PROS1: variants seen among roughly 807,000 people sequenced by gnomAD.
PROS1 encodes vitamin K-dependent protein S.
Under a neutral mutation model 75.9 loss-of-function variants are expected in PROS1, and 29 were observed. That is an observed-to-expected ratio of 0.38 (90% CI 0.28 to 0.52). PROS1 has a LOEUF of 0.52. Ranked by LOEUF, PROS1 falls within the 20% of genes least tolerant of loss-of-function variation. The probability of loss-of-function intolerance (pLI) is 0.83; values close to 1 mark genes in which losing one functional copy is unlikely to be tolerated. For synonymous variants in PROS1, 245 were observed against 280.6 expected, an observed-to-expected ratio of 0.87 and a Z score of 1.27; for missense variants, 680 against 810.3, an observed-to-expected ratio of 0.84 and a Z score of 1.95.
intron 10 of PROS1, among the ~76,000 whole-genome samples, chr3:93,886,947 T>C (rs1708357282): frequency 6.7e-6 from 1 of 149,972 alleles, no homozygotes; most frequent in Non-Finnish European, 1.5e-5. Flanking sequence ...AGTCTCGCTC[T>C]GTCGCCCAGG....
At chr3:93,971,304 C>T (rs1284003373) in intron 1 of PROS1, among the ~76,000 whole-genome samples, 5 of 150,130 alleles carry the variant, frequency 3.3e-5, no homozygotes, top group African/African-American at 7.4e-5. Flanking sequence ...GCTGGGATCA[C>T]GCCACTGCAC....
intron 1 of PROS1, among the ~76,000 whole-genome samples, chr3:93,970,899 C>T (rs1709869791): frequency 6.6e-6 from 1 of 152,084 alleles, no homozygotes; most frequent in Non-Finnish European, 1.5e-5. Context: ...ACTCAGAAGG[C>T]TGATGGGAGG....
At chr3:93,959,857 AT>A (rs769145730) in intron 1 of PROS1, among the ~76,000 whole-genome samples, 12 of 152,206 alleles carry the variant, frequency 7.9e-5, no homozygotes, top group Admixed American at 5.2e-4. Context: ...CTGTTACCAT[AT>A]TTTTTCGTTC....
intron 12 of PROS1, among the ~76,000 whole-genome samples, chr3:93,884,111 T>G (rs1708311824): frequency 6.6e-6 from 1 of 152,124 alleles, no homozygotes; most frequent in African/African-American, 2.4e-5. Flanking sequence ...ACACAAATAT[T>G]CTTTATCTCA....
intron 4 of PROS1, 95 bp from the exon 5 acceptor site, chr3:93,906,238 A>G: frequency 7.3e-7 from 1 of 1,371,874 alleles, no homozygotes; most frequent in Admixed American, 2.2e-5. Context: ...GCCTAGAACC[A>G]ATGAAAAAAA....
chr3:93,915,501 A>G (rs1206435369), intron 3 of PROS1, among the ~76,000 whole-genome samples: 2 of 152,196 alleles, frequency 1.3e-5, no homozygotes, highest in Non-Finnish European at 2.9e-5. Flanking sequence ...TAATGCAGCC[A>G]CACAGTTCCT....
At chr3:93,916,327 A>T (rs958615688) in intron 3 of PROS1, among the ~76,000 whole-genome samples, 1 of 152,146 alleles carries the variant, frequency 6.6e-6, no homozygotes, top group African/African-American at 2.4e-5. Flanking sequence ...ATCTCTGGCA[A>T]ATTTTACAGT....
intron 1 of PROS1, among the ~76,000 whole-genome samples, chr3:93,955,322 A>T (rs1709581612): frequency 6.6e-6 from 1 of 152,220 alleles, no homozygotes; most frequent in Admixed American, 6.5e-5. Flanking sequence ...ACTTGGAACC[A>T]ACACAAATGC....
intron 1 of PROS1, among the ~76,000 whole-genome samples, chr3:93,938,953 C>A (rs544674214): frequency 6.6e-5 from 10 of 152,108 alleles, no homozygotes; most frequent in Admixed American, 2.0e-4. Context: ...GCTCACCACC[C>A]CCCTTCTCCA....
intron 3 of PROS1, among the ~76,000 whole-genome samples, chr3:93,913,445 T>C (rs1708790639): frequency 6.6e-6 from 1 of 152,168 alleles, no homozygotes; most frequent in South Asian, 2.1e-4. Context: ...AGGTAAGAAG[T>C]AACTTTGCTC....
At chr3:93,903,218 A>C (rs1708623936) in intron 6 of PROS1, among the ~76,000 whole-genome samples, 1 of 152,210 alleles carries the variant, frequency 6.6e-6, no homozygotes. Flanking sequence ...TATTACTTAC[A>C]TATCATGACT....
intron 1 of PROS1, among the ~76,000 whole-genome samples, chr3:93,934,755 G>C (rs1709155970): frequency 6.6e-6 from 1 of 151,800 alleles, no homozygotes; most frequent in East Asian, 1.9e-4. Context: ...CATTTATTTA[G>C]AAGTAGAAAA....
At chr3:93,923,672 G>A (rs1394183435) in intron 3 of PROS1, among the ~76,000 whole-genome samples, 1 of 152,120 alleles carries the variant, frequency 6.6e-6, no homozygotes, top group Admixed American at 6.5e-5. Context: ...AGGCTGAGGA[G>A]AGTGGACACT....
chr3:93,932,725 T>G lies in PROS1; in HGVS notation c.77-5318A>C, dbSNP rs374792983. 2.5e-4 allele frequency among the ~76,000 whole-genome samples: 38 copies of G among 152,300 alleles called. No individual in the cohort carries two copies. In the South Asian group the frequency reaches 6.8e-3, roughly 27 times the overall value. On this transcript the variant is annotated intron_variant, in intron 1 of 14. Transcript: ENST00000394236. ...TTTGTTTTTTGAGTGTAAATTTGAT[T>G]GACTTACCTCCAAAAAATAATTTAT...
At chr3:93,955,731 AAAAG>A (rs1213712363) in intron 1 of PROS1, among the ~76,000 whole-genome samples, 2 of 152,264 alleles carry the variant, frequency 1.3e-5, no homozygotes, top group African/African-American at 4.8e-5. Flanking sequence ...ATAAAAAAAA[AAAAG>A]AAAGGCAAAG....
chr3:93,954,643 T>C (rs1709567716), intron 1 of PROS1, among the ~76,000 whole-genome samples: 1 of 152,108 alleles, frequency 6.6e-6, no homozygotes, highest in Non-Finnish European at 1.5e-5. Flanking sequence ...ACCTAGGCAA[T>C]AGCATTCAGG....
intron 10 of PROS1, among the ~76,000 whole-genome samples, chr3:93,892,299 C>T (rs1197400165): frequency 6.6e-6 from 1 of 151,712 alleles, no homozygotes; most frequent in African/African-American, 2.4e-5. Context: ...CACGGCACTC[C>T]AGCCTGGGCA....
chr3:93,903,545 C>G (rs952194536), intron 6 of PROS1, among the ~76,000 whole-genome samples: 10 of 152,038 alleles, frequency 6.6e-5, no homozygotes, highest in Non-Finnish European at 1.0e-4. Context: ...TGGTGCACAC[C>G]TGTAGTCCCA....
intron 11 of PROS1, among the ~76,000 whole-genome samples, chr3:93,885,978 T>C (rs935117545): frequency 6.6e-6 from 1 of 152,198 alleles, no homozygotes; most frequent in African/African-American, 2.4e-5. Context: ...GACTTAAATA[T>C]ATGAATTTAT....
Sources: allele counts gnomAD v4.1 joint callset (sites outside exome capture counted in the v4.1 genomes callset), GRCh38; gene constraint gnomAD v4.1.1; transcripts MANE v1.5; gene names NCBI Gene and HGNC (gene_info 2026-07-23, HGNC 2026-07-21).